NR6A1: variants seen among roughly 807,000 people sequenced by gnomAD.
NR6A1 encodes the protein retinoic acid receptor-related testis-associated receptor.
In NR6A1, 7 loss-of-function variants were observed where a neutral mutation model predicts 59.1. The observed-to-expected ratio is 0.12, with a 90% CI of 0.07 to 0.22. The LOEUF is 0.22. Ranked by LOEUF, NR6A1 falls within the 10% of genes least tolerant of loss-of-function variation. NR6A1 has a pLI of 1.00. For synonymous variants in NR6A1, 243 were observed against 236.1 expected (o/e 1.03, Z -0.27); for missense variants, 468 against 611.6 (o/e 0.77, Z 2.48).
chr9:124,718,429 A>G (rs1272022395), intron 2 of NR6A1, among the ~76,000 whole-genome samples: 1 of 152,214 alleles, frequency 6.6e-6, no homozygotes, highest in Non-Finnish European at 1.5e-5. Flanking sequence ...GGTTCCTGCT[A>G]CTTGAGGACT....
rs535387596 is a variant in NR6A1 at position 124,760,269 on chromosome 9, G to A, written c.100+10751C>T. ...GGAGGCTGCAGTGAGCCAAGATCTC[G>A]CCACTGCACTCCAGCCTGGGAGACA... On this transcript the variant is annotated intron_variant, in intron 1 of 9. Transcript: ENST00000487099. Among the ~76,000 whole-genome samples, 107 of 147,880 alleles carry A rather than the reference G, an allele frequency of 7.2e-4. 1 individual carries two copies. In the South Asian group the frequency reaches 0.019, roughly 26 times the overall value.
chr9:124,639,055 T>C (rs1004158225), intron 2 of NR6A1, among the ~76,000 whole-genome samples: 2 of 152,330 alleles, frequency 1.3e-5, no homozygotes, highest in South Asian at 2.1e-4. Flanking sequence ...TGAGCACTTA[T>C]GGGCCGGACC....
At chr9:124,697,137 G>C (rs1199026853) in intron 2 of NR6A1, among the ~76,000 whole-genome samples, 1 of 152,216 alleles carries the variant, frequency 6.6e-6, no homozygotes, top group Non-Finnish European at 1.5e-5. Context: ...TTTCACAATG[G>C]AAGAAAGAGG....
chr9:124,659,859 G>A (rs1374725137), intron 2 of NR6A1, among the ~76,000 whole-genome samples: 4 of 152,208 alleles, frequency 2.6e-5, no homozygotes. Flanking sequence ...TTCTGATTCT[G>A]CTACACTTTA....
intron 2 of NR6A1, among the ~76,000 whole-genome samples, chr9:124,595,374 G>A (rs573804774): frequency 8.4e-4 from 128 of 152,238 alleles, no homozygotes; most frequent in African/African-American, 2.7e-3. Context: ...GGCAGATAGC[G>A]AACTGGATTA....
At chr9:124,526,072 C>T (rs538675949) in intron 8 of NR6A1, among the ~76,000 whole-genome samples, 4 of 152,242 alleles carry the variant, frequency 2.6e-5, no homozygotes, top group Admixed American at 6.5e-5. Flanking sequence ...GGACACAGGA[C>T]GAGGGCACTT....
intron 2 of NR6A1, among the ~76,000 whole-genome samples, chr9:124,593,190 T>G (rs143632546): frequency 8.5e-5 from 13 of 152,328 alleles, no homozygotes; most frequent in African/African-American, 2.9e-4. Context: ...ACAATTTTTG[T>G]AGAGTTCTTG....
At chr9:124,687,893 C>G (rs1838389668) in intron 2 of NR6A1, among the ~76,000 whole-genome samples, 1 of 152,174 alleles carries the variant, frequency 6.6e-6, no homozygotes, top group South Asian at 2.1e-4. Context: ...ACGCCTGAAA[C>G]TTCGAATAGT....
At position 124,535,989 on chromosome 9, in the gene NR6A1, G is replaced by C. The variant is rs1488179673; in HGVS notation, c.968C>G (p.Thr323Arg). The change falls in exon 7 of 10, where the codon ACG becomes AGG. Residue 323 changes from threonine (T) to arginine (R), a missense_variant. Transcript: ENST00000487099. Reference sequence around the variant, plus strand: ...AGACAGCAGGATTAGCTCCTGCCACGTAGAGCTCAAGAGGCACGTGTAATC... The same window carrying C: ...AGACAGCAGGATTAGCTCCTGCCACCTAGAGCTCAAGAGGCACGTGTAATC... ...IKDYTCLLSSTWQELILLSSL... is the reference protein window; with the variant it reads ...IKDYTCLLSSRWQELILLSSL... 1.2e-6 allele frequency: 2 copies of C among 1,614,072 alleles called. No homozygotes were observed. Among genetic ancestry groups the C allele is most frequent in the Non-Finnish European group, 1.7e-6 (2 of 1,180,036 alleles).
chr9:124,739,894 C>T (rs191909450), intron 1 of NR6A1, among the ~76,000 whole-genome samples: 1 of 152,206 alleles, frequency 6.6e-6, no homozygotes, highest in Admixed American at 6.5e-5. Flanking sequence ...GCAACAGAGA[C>T]ATGGACTCTG....
chr9:124,531,672 C>T (rs1158297449), intron 7 of NR6A1, among the ~76,000 whole-genome samples: 1 of 152,154 alleles, frequency 6.6e-6, no homozygotes, highest in African/African-American at 2.4e-5. Context: ...CCACAGACAC[C>T]TAAACCAAAC....
chr9:124,651,272 T>C (rs10818984), intron 2 of NR6A1, among the ~76,000 whole-genome samples: 59,759 of 152,046 alleles, frequency 0.39, 14,358 homozygotes, highest in Admixed American at 0.56. Flanking sequence ...TCGCCCAGGC[T>C]GGTCTCAAAC....
chr9:124,692,439 TGAA>T, intron 2 of NR6A1: 1 of 527,898 alleles, frequency 1.9e-6, no homozygotes, highest in South Asian at 1.4e-5. Context: ...GATGGGAGAA[TGAA>T]GAAGGGCTAT....
At chr9:124,576,813 T>G (rs1017447559) in intron 2 of NR6A1, among the ~76,000 whole-genome samples, 4 of 152,120 alleles carry the variant, frequency 2.6e-5, no homozygotes, top group Non-Finnish European at 5.9e-5. Flanking sequence ...TAGTTGAGAT[T>G]AGGGAGGCCA....
intron 2 of NR6A1, among the ~76,000 whole-genome samples, chr9:124,659,289 G>C (rs545074429): frequency 5.9e-5 from 9 of 152,254 alleles, no homozygotes; most frequent in Non-Finnish European, 8.8e-5. Flanking sequence ...GCGGGAGCGG[G>C]GGGGCGGGTA....
chr9:124,659,288 G>T (rs1837354501), intron 2 of NR6A1, among the ~76,000 whole-genome samples: 1 of 152,094 alleles, frequency 6.6e-6, no homozygotes, highest in Admixed American at 6.5e-5. Flanking sequence ...GGCGGGAGCG[G>T]GGGGGCGGGT....
chr9:124,571,802 C>T (rs753196003), intron 2 of NR6A1, among the ~76,000 whole-genome samples: 1 of 151,952 alleles, frequency 6.6e-6, no homozygotes, highest in African/African-American at 2.4e-5. Context: ...TCCTGCCATC[C>T]CTCCTGAATC....
chr9:124,704,482 C>G (rs1012491846), intron 2 of NR6A1, among the ~76,000 whole-genome samples: 2 of 151,578 alleles, frequency 1.3e-5, no homozygotes, highest in African/African-American at 4.9e-5. Flanking sequence ...GCAATCATAG[C>G]TCACCGCAGC....
intron 9 of NR6A1, 60 bp downstream of exon 9, chr9:124,524,661 T>C: frequency 1.3e-6 from 2 of 1,579,068 alleles, no homozygotes; most frequent in Non-Finnish European, 1.7e-6. Context: ...GCTTGCCTCA[T>C]TCCCTTCACA....
Sources: gnomAD v4.1 joint callset for allele counts (sites outside exome capture counted in the v4.1 genomes callset) on GRCh38, gnomAD v4.1.1 for gene constraint, MANE v1.5 for transcripts, NCBI Gene and HGNC (gene_info 2026-07-23, HGNC 2026-07-21) for gene names.